The following PPP4R3B variants were observed in gnomAD, a reference collection of about 807,000 sequenced individuals.
The protein encoded by PPP4R3B is protein phosphatase 4 regulatory subunit 3B, also known as serine/threonine-protein phosphatase 4 regulatory subunit 3B.
Under a neutral mutation model 95.4 loss-of-function variants are expected in PPP4R3B, and 52 were observed. That is an observed-to-expected ratio of 0.54 (90% CI 0.44 to 0.69). The LOEUF (loss-of-function observed/expected upper bound fraction) is 0.69, where lower values mean the gene tolerates loss of function less well. Among genes scored for constraint, PPP4R3B ranks in the 30% least tolerant of loss-of-function variants. The pLI is 0.00. For missense variants in PPP4R3B, 1,003 were observed against 1,005.9 expected (o/e 1.00, Z 0.04); for synonymous variants, 407 against 343.9 (o/e 1.18, Z -2.03).
chr2:55,605,947 C>T (rs2103787680), intron 2 of PPP4R3B, among the ~76,000 whole-genome samples: 1 of 150,138 alleles, frequency 6.7e-6, no homozygotes, highest in East Asian at 1.9e-4. Flanking sequence ...TTTCTCTCAT[C>T]ATCCACAAAA....
At position 55,547,529 on chromosome 2, in the gene PPP4R3B, G is replaced by C. The variant is rs925300673; in HGVS notation, c.*2382C>G. Reference sequence around the variant, plus strand: ...TTTTAAGCCTTGTTCTCTTATCGTCGTAGGTAAGCACTTGTACCATGAAAA... The same window carrying C: ...TTTTAAGCCTTGTTCTCTTATCGTCCTAGGTAAGCACTTGTACCATGAAAA... On this transcript the variant is annotated 3_prime_UTR_variant, in exon 17 of 17. Coordinates refer to ENST00000616407, the MANE Select transcript of PPP4R3B (RefSeq NM_001122964.3). 6.6e-6 allele frequency: 1 copy of C among 152,158 alleles called. No individual in the cohort carries two copies. The highest frequency in any genetic ancestry group is 2.4e-5 in the African/African-American group (1 of 41,436). 9.4% of individuals were successfully genotyped at this position (152,158 alleles called of 1,614,324 possible). A position where few individuals can be genotyped will look rare whatever the true frequency, so the allele number is the denominator to read the frequency against.
intron 11 of PPP4R3B, 109 bp from the exon 12 acceptor site, chr2:55,573,886 CTTTTTTTTTTT>C (rs369126683): frequency 1.1e-5 from 3 of 277,166 alleles, no homozygotes; most frequent in Admixed American, 8.7e-5. Flanking sequence ...GTATTTCCTC[CTTTTTTTTTTT>C]TTTTTTTTTG....
chr2:55,559,405 A>C (rs1686294868), intron 15 of PPP4R3B, among the ~76,000 whole-genome samples: 1 of 152,162 alleles, frequency 6.6e-6, no homozygotes, highest in African/African-American at 2.4e-5. Flanking sequence ...TTGTTTCCTA[A>C]GAACTTTTGA....
chr2:55,616,668 C>A (rs890375200), intron 1 of PPP4R3B: 15 of 152,382 alleles, frequency 9.8e-5, no homozygotes, highest in African/African-American at 3.4e-4. Flanking sequence ...GCCAGGAAAA[C>A]GTGCCTTTCG....
intron 2 of PPP4R3B, among the ~76,000 whole-genome samples, chr2:55,608,599 T>G (rs1693735671): frequency 6.6e-6 from 1 of 152,208 alleles, no homozygotes; most frequent in South Asian, 2.1e-4. Flanking sequence ...AGTTTCCCAC[T>G]TATTGCTTCT....
At chr2:55,552,620 C>T (rs1052654544) in intron 16 of PPP4R3B, among the ~76,000 whole-genome samples, 1 of 152,166 alleles carries the variant, frequency 6.6e-6, no homozygotes, top group Admixed American at 6.5e-5. Flanking sequence ...CCTTGAACTC[C>T]TGGCCTCAAG....
At chr2:55,559,769 G>A (rs1436010422) in intron 15 of PPP4R3B, among the ~76,000 whole-genome samples, 2 of 152,170 alleles carry the variant, frequency 1.3e-5, no homozygotes, top group African/African-American at 4.8e-5. Context: ...GTTCTTTAGA[G>A]CAGTGTGAAA....
chr2:55,606,185 C>T lies in PPP4R3B; in HGVS notation c.199-2109G>A, dbSNP rs533137425. ...AAACATTTTTGACTGCAGTTTAATT[C>T]GCTTATTATATACAAAAATATATTA... On this transcript the variant is annotated intron_variant, in intron 2 of 16. Coordinates refer to ENST00000616407, the MANE Select transcript of PPP4R3B (RefSeq NM_001122964.3). Among the ~76,000 whole-genome samples, 27 of 151,982 alleles carry T rather than the reference C, an allele frequency of 1.8e-4. No homozygotes were observed. In the East Asian group the frequency reaches 3.3e-3, roughly 18 times the overall value.
chr2:55,555,784 A>C (rs572809207), intron 16 of PPP4R3B, among the ~76,000 whole-genome samples: 1 of 152,330 alleles, frequency 6.6e-6, no homozygotes, highest in South Asian at 2.1e-4. Flanking sequence ...CTATGCAGGA[A>C]ATCTCTAATG....
At chr2:55,567,949 T>C (rs1321464256) in intron 13 of PPP4R3B, 1 of 215,644 alleles carries the variant, frequency 4.6e-6, no homozygotes, top group South Asian at 1.8e-4. Flanking sequence ...ATTAAAAATA[T>C]TAGCGTTAAA....
Position 55,617,585 on chromosome 2 carries a change from C to G in PPP4R3B, c.-300G>C, listed in dbSNP as rs1487010794. The G allele has an allele frequency of 3.4e-6, 1 of 293,988 alleles. No individual in the cohort carries two copies. Among genetic ancestry groups the G allele is most frequent in the Non-Finnish European group, 6.4e-6 (1 of 156,280 alleles). 18.2% of individuals were successfully genotyped at this position (293,988 alleles called of 1,614,324 possible). A position where few individuals can be genotyped will look rare whatever the true frequency, so the allele number is the denominator to read the frequency against. ...GCCGCCGCGGTAACTACTACAGATC[C>G]GCCATCTTGTAACCCGACTCTCTCT... is the stretch of plus-strand genomic sequence containing the variant. On this transcript the variant is annotated 5_prime_UTR_variant, in exon 1 of 17. Transcript: ENST00000616407.
chr2:55,575,924 C>G (rs1424436796), intron 11 of PPP4R3B, among the ~76,000 whole-genome samples: 1 of 152,104 alleles, frequency 6.6e-6, no homozygotes, highest in Non-Finnish European at 1.5e-5. Context: ...TATAAATACA[C>G]AAAATAAAAT....
chr2:55,603,942 CAAACATTAAGTTAAATATTATAAAAAG>C lies in PPP4R3B; in HGVS notation c.297+9_297+35del. ...GGAAACAAAAATTCCAGAAAAGAAG[CAAACATTAAGTTAAATATTATAAAAAG>C]AAACTTACCTGACAAATTTTTTCCC... On this transcript the variant is annotated intron_variant, in intron 3 of 16. Coordinates refer to ENST00000616407, the MANE Select transcript of PPP4R3B (RefSeq NM_001122964.3). The C allele has an allele frequency of 2.1e-6, 3 of 1,454,338 alleles. No individual in the cohort carries two copies. The highest frequency in any genetic ancestry group is 2.8e-6 in the Non-Finnish European group (3 of 1,062,318). 90.1% of individuals were successfully genotyped at this position (1,454,338 alleles called of 1,614,324 possible).
intron 2 of PPP4R3B, among the ~76,000 whole-genome samples, chr2:55,605,589 T>G (rs1320607902): frequency 6.6e-6 from 1 of 152,140 alleles, no homozygotes; most frequent in East Asian, 1.9e-4. Flanking sequence ...TCTAAAATTC[T>G]CTCAAGTCAC....
intron 4 of PPP4R3B, among the ~76,000 whole-genome samples, chr2:55,590,722 A>G (rs569251999): frequency 4.6e-5 from 7 of 152,334 alleles, no homozygotes; most frequent in Admixed American, 1.3e-4. Context: ...TAACAATAGT[A>G]TCTGTAGAGT....
intron 8 of PPP4R3B, among the ~76,000 whole-genome samples, chr2:55,579,996 C>G (rs1356175322): frequency 6.6e-6 from 1 of 152,068 alleles, no homozygotes; most frequent in Non-Finnish European, 1.5e-5. Context: ...TCACTTTAAT[C>G]TTATTTCTGT....
chr2:55,608,546 C>T (rs1007993829), intron 2 of PPP4R3B, among the ~76,000 whole-genome samples: 4 of 152,178 alleles, frequency 2.6e-5, no homozygotes, highest in Admixed American at 2.6e-4. Flanking sequence ...TCAATCCAAT[C>T]CAACATTATC....
intron 2 of PPP4R3B, among the ~76,000 whole-genome samples, chr2:55,609,636 C>G (rs1369028156): frequency 6.7e-6 from 1 of 150,268 alleles, no homozygotes; most frequent in East Asian, 2.0e-4. Context: ...CCACTGCACT[C>G]CAGCCTCGGC....
At chr2:55,550,100 G>C in intron 16 of PPP4R3B, 94 bp from the exon 17 acceptor site, 1 of 818,874 alleles carries the variant, frequency 1.2e-6, no homozygotes. Context: ...ATCAGAAATC[G>C]TTTTTCTAAA....
Sources: gnomAD v4.1 joint callset for allele counts (sites outside exome capture counted in the v4.1 genomes callset) on GRCh38, gnomAD v4.1.1 for gene constraint, MANE v1.5 for transcripts, NCBI Gene and HGNC (gene_info 2026-07-23, HGNC 2026-07-21) for gene names.